The following EP300 variants were observed in gnomAD, a reference collection of about 807,000 sequenced individuals.
EP300 encodes the protein histone acetyltransferase p300.
EP300 carries 31 observed loss-of-function variants against 264.0 expected under a neutral mutation model. The observed-to-expected ratio is 0.12, with a 90% CI of 0.09 to 0.16. The LOEUF is 0.16. EP300 is among the 10% of genes least tolerant of loss of function. The probability of loss-of-function intolerance (pLI) is 1.00; values close to 1 mark genes in which losing one functional copy is unlikely to be tolerated. For synonymous variants in EP300, 1,340 were observed against 1,045.4 expected (o/e 1.28, Z -5.44); for missense variants, 2,766 against 3,052.9 (o/e 0.91, Z 2.21).
rs565373820 is a variant in EP300, at chr22:41,179,054, GAC to G, written c.*100_*101del. 7.0e-5 allele frequency: 102 copies of G among 1,454,866 alleles called. No homozygotes were observed. In the East Asian group the frequency reaches 2.2e-3, roughly 31 times the overall value. The allele number at this position is 1,454,866 out of a possible 1,614,324, so 90.1% of individuals were successfully genotyped here. A position where few individuals can be genotyped will look rare whatever the true frequency, so the allele number is the denominator to read the frequency against. On this transcript the variant is annotated 3_prime_UTR_variant, in exon 31 of 31. Coordinates refer to ENST00000263253, the MANE Select transcript of EP300 (RefSeq NM_001429.4). Reference sequence around the variant, plus strand: ...TTTTTGAATCTTTCGTAGCCTAAAAGACAATTTTCCTTGGAACACATAAGAAC... The same window carrying G: ...TTTTTGAATCTTTCGTAGCCTAAAAGAATTTTCCTTGGAACACATAAGAAC...
rs79575047 is a variant in EP300 at position 41,134,641 on chromosome 22, G to C, written c.1529-1172G>C. On this transcript the variant is annotated intron_variant, in intron 6 of 30. Coordinates refer to ENST00000263253, the MANE Select transcript of EP300 (RefSeq NM_001429.4). ...AACTCCTGAGCTCAAGTGATCGCCT[G>C]CCTCGACCTCCCAAAGCAGTTTGTG... 6.5e-3 allele frequency among the ~76,000 whole-genome samples: 982 copies of C among 152,202 alleles called. 3 individuals are homozygous for C. The highest frequency in any genetic ancestry group is 0.011 in the Non-Finnish European group (738 of 67,994).
intron 1 of EP300, among the ~76,000 whole-genome samples, chr22:41,093,319 T>G (rs2058684490): frequency 6.6e-6 from 1 of 152,220 alleles, no homozygotes; most frequent in African/African-American, 2.4e-5. Flanking sequence ...CGGTGTGTGT[T>G]CTGGAATTAG....
chr22:41,178,838 T>C lies in EP300; in HGVS notation c.7127T>C (p.Leu2376Pro), dbSNP rs776794642. Residue 2376 changes from leucine (L) to proline (P), a missense_variant, in exon 31 of 31, where the codon CTT becomes CCT. Coordinates refer to ENST00000263253, the MANE Select transcript of EP300 (RefSeq NM_001429.4). ...GACCAGAATTCAATGCTTTCTCAGCTTGCTAGCAATCCAGGCATGGCAAAC... is the reference window on the plus strand; with the variant it reads ...GACCAGAATTCAATGCTTTCTCAGCCTGCTAGCAATCCAGGCATGGCAAAC... Reference protein sequence around the residue: ...SPDQNSMLSQLASNPGMANLH... With the variant: ...SPDQNSMLSQPASNPGMANLH... The C allele has an allele frequency of 3.7e-6, 6 of 1,614,178 alleles. No individual in the cohort carries two copies. The highest frequency in any genetic ancestry group is 3.4e-6 in the Non-Finnish European group (4 of 1,180,030).
In EP300 at chr22:41,127,656, G is replaced by T. The variant is rs1569096128; in HGVS notation, c.1076G>T (p.Gly359Val). The change falls in exon 4 of 31, where the codon GGG becomes GTG. Residue 359 changes from glycine to valine, a missense_variant. By Grantham distance (109) the Gly-to-Val change is moderately radical (BLOSUM62 -3). Transcript: ENST00000263253. ...TGCCAGCGCCGGGAACAGGCCAATG[G>T]GGAAGTGAGGCAGTGCAACCTTCCC... The part of the protein sequence containing the change: ...HKCQRREQAN[G>V]EVRQCNLPHC... The T allele has an allele frequency of 6.2e-7, 1 of 1,614,172 alleles. No homozygotes were observed. Among genetic ancestry groups the T allele is most frequent in the Non-Finnish European group, 8.5e-7 (1 of 1,180,038 alleles).
chr22:41,096,734 C>T (rs187446579), intron 1 of EP300, among the ~76,000 whole-genome samples: 4 of 150,294 alleles, frequency 2.7e-5, no homozygotes, highest in African/African-American at 7.3e-5. Flanking sequence ...TTCTCTGCTT[C>T]ACCCTCCTCA....
chr22:41,163,974 C>A, intron 21 of EP300, 79 bp from the exon 22 acceptor site: 1 of 1,321,638 alleles, frequency 7.6e-7, no homozygotes, highest in South Asian at 1.2e-5. Context: ...CTGTCTTTGT[C>A]AGAAGTCATG....
intron 1 of EP300, among the ~76,000 whole-genome samples, chr22:41,095,232 ATTT>A (rs66515117): frequency 5.0e-5 from 4 of 80,258 alleles, no homozygotes; most frequent in African/African-American, 1.1e-4. Context: ...TACCATTGTA[ATTT>A]TTTTTTTTTT....
intron 1 of EP300, 92 bp downstream of exon 1, chr22:41,093,190 C>G (rs1000255248): frequency 5.7e-6 from 7 of 1,224,074 alleles, no homozygotes; most frequent in African/African-American, 1.5e-5. Context: ...CTTCCTCTCT[C>G]TCTAGTTCCC....
chr22:41,164,116 C>T lies in EP300; in HGVS notation c.3792C>T (p.Ile1264=). Residue 1264 remains isoleucine (I), a synonymous_variant, in exon 22 of 31, where the codon ATC becomes ATT. Coordinates refer to ENST00000263253, the MANE Select transcript of EP300 (RefSeq NM_001429.4). Reference sequence around the variant, plus strand: ...AGATCTGTGTCCTTCACCATGAGATCATCTGGCCTGCTGGGTAAGTCTTAA... The same window carrying T: ...AGATCTGTGTCCTTCACCATGAGATTATCTGGCCTGCTGGGTAAGTCTTAA... ...MHQICVLHHE[I]IWPAGFVCDG... is the part of the protein sequence containing the mutation. 4 of 1,614,054 alleles carry T rather than the reference C, an allele frequency of 2.5e-6. No individual in the cohort carries two copies. The highest frequency in any genetic ancestry group is 2.5e-6 in the Non-Finnish European group (3 of 1,179,952).
chr22:41,158,555 C>T lies in EP300; in HGVS notation c.3590+55C>T, dbSNP rs1268327290. On this transcript the variant is annotated intron_variant, in intron 19 of 30. Transcript: ENST00000263253. Reference sequence around the variant, plus strand: ...CATGTGTCCACATGTCCAGGGAGTGCATGCGGATGGGCCAGCACACATACA... The same window carrying T: ...CATGTGTCCACATGTCCAGGGAGTGTATGCGGATGGGCCAGCACACATACA... 15 of 1,417,108 alleles carry T rather than the reference C, an allele frequency of 1.1e-5. No homozygotes were observed. In the East Asian group the frequency reaches 1.8e-4, roughly 17 times the overall value. The allele number at this position is 1,417,108 out of a possible 1,614,324, so 87.8% of individuals were successfully genotyped here.
chr22:41,139,649 A>G (rs2058970734), intron 8 of EP300, among the ~76,000 whole-genome samples: 1 of 152,202 alleles, frequency 6.6e-6, no homozygotes, highest in Non-Finnish European at 1.5e-5. Context: ...AACTGAATCT[A>G]ACAGAATCAT....
intron 12 of EP300, among the ~76,000 whole-genome samples, chr22:41,148,313 C>T (rs1415521117): frequency 1.3e-5 from 2 of 152,172 alleles, no homozygotes; most frequent in African/African-American, 4.8e-5. Context: ...AACTCTTAAC[C>T]AGTCCATCTC....
chr22:41,148,654 T>G (rs775312826), intron 12 of EP300, among the ~76,000 whole-genome samples: 13 of 152,184 alleles, frequency 8.5e-5, no homozygotes, highest in Non-Finnish European at 1.6e-4. Context: ...ATATTATGGG[T>G]CTTAGAATTT....
At position 41,166,559 on chromosome 22, in the gene EP300, TTATC is replaced by T. The variant is rs752365884; in HGVS notation, c.3807-37_3807-34del. On this transcript the variant is annotated intron_variant, in intron 22 of 30. Transcript: ENST00000263253. ...TTTTTGTTAGTATAAATTCAACGGT[TTATC>T]TAAGTTGTGTAAGCAAAGTTTTGGT... 3.7e-5 allele frequency: 57 copies of T among 1,525,304 alleles called. No homozygotes were observed. In the Middle Eastern group the frequency reaches 6.8e-4, roughly 18 times the overall value. The allele number at this position is 1,525,304 out of a possible 1,614,324, so 94.5% of individuals were successfully genotyped here. A position where few individuals can be genotyped will look rare whatever the true frequency, so the allele number is the denominator to read the frequency against.
chr22:41,177,793 G>A lies in EP300; in HGVS notation c.6082G>A (p.Ala2028Thr), dbSNP rs781459575. Residue 2028 changes from alanine (A) to threonine (T), a missense_variant, in exon 31 of 31, where the codon GCT (alanine) becomes ACT (threonine). Coordinates refer to ENST00000263253, the MANE Select transcript of EP300 (RefSeq NM_001429.4). ...VAQHGQPLNM[A>T]PQPGLGQVGI... ...CCAGCATGGTCAACCTTTGAACATG[G>A]CTCCACAACCAGGATTGGGCCAGGT... 6.2e-7 allele frequency: 1 copy of A among 1,613,936 alleles called. No individual in the cohort carries two copies. The highest frequency in any genetic ancestry group is 8.5e-7 in the Non-Finnish European group (1 of 1,180,028).
At chr22:41,149,259 C>A (rs1601619108) in intron 13 of EP300, 84 bp downstream of exon 13, 1 of 1,496,358 alleles carries the variant, frequency 6.7e-7, no homozygotes, top group Non-Finnish European at 9.3e-7. Context: ...AGAGTGGCAG[C>A]AAATAGTGGG....
intron 2 of EP300, among the ~76,000 whole-genome samples, chr22:41,120,676 A>G (rs999512121): frequency 6.6e-6 from 1 of 152,068 alleles, no homozygotes; most frequent in African/African-American, 2.4e-5. Flanking sequence ...CTTTTACCCC[A>G]ATCTTTAGAT....
chr22:41,178,633 C>T lies in EP300; in HGVS notation c.6922C>T (p.Arg2308Cys), dbSNP rs145312648. ...QIPNSLSNQVRSPQPVPSPRP... is the reference protein window; with the variant it reads ...QIPNSLSNQVCSPQPVPSPRP... ...CCCTAATTCTCTCTCCAATCAAGTGCGCTCTCCCCAGCCTGTCCCTTCTCC... is the reference window on the plus strand; with the variant it reads ...CCCTAATTCTCTCTCCAATCAAGTGTGCTCTCCCCAGCCTGTCCCTTCTCC... Residue 2308 changes from arginine (R) to cysteine (C), a missense_variant, in exon 31 of 31, where the codon CGC (arginine) becomes TGC (cysteine). Transcript: ENST00000263253. 178 of 1,614,010 alleles carry T rather than the reference C, an allele frequency of 1.1e-4. No individual in the cohort carries two copies. The highest frequency in any genetic ancestry group is 1.6e-4 in the Middle Eastern group (1 of 6,084).
At chr22:41,170,918 C>T (rs1218806818) in intron 27 of EP300, among the ~76,000 whole-genome samples, 1 of 150,454 alleles carries the variant, frequency 6.6e-6, no homozygotes, top group African/African-American at 2.4e-5. Context: ...CCGCCTTGGC[C>T]TCCCAAAGTG....
Sources: allele counts gnomAD v4.1 joint callset (sites outside exome capture counted in the v4.1 genomes callset), GRCh38; gene constraint gnomAD v4.1.1; transcripts MANE v1.5; gene names NCBI Gene and HGNC (gene_info 2026-07-23, HGNC 2026-07-21).